Variants in RABGAP1L observed in about 807,000 individuals in gnomAD.
The protein encoded by RABGAP1L is RAB GTPase activating protein 1 like.
Under a neutral mutation model 137.7 loss-of-function variants are expected in RABGAP1L, and 63 were observed. That is an observed-to-expected ratio of 0.46 (90% confidence interval 0.37 to 0.56). The LOEUF (loss-of-function observed/expected upper bound fraction) is 0.56. Among genes scored for constraint, RABGAP1L ranks in the 20% least tolerant of loss-of-function variants. The probability of loss-of-function intolerance (pLI) is 0.00; values close to 1 mark genes in which losing one functional copy is unlikely to be tolerated. For synonymous variants in RABGAP1L, 431 were observed against 433.7 expected (o/e 0.99, Z 0.08); for missense variants, 1,095 against 1,244.0 (o/e 0.88, Z 1.80).
intron 15 of RABGAP1L, among the ~76,000 whole-genome samples, chr1:174,692,007 T>C (rs1219668799): frequency 6.6e-6 from 1 of 152,184 alleles, no homozygotes; most frequent in Non-Finnish European, 1.5e-5. Context: ...GCTTTTTATA[T>C]TTAGCATTTG....
At position 174,280,369 on chromosome 1, in the gene RABGAP1L, G is replaced by C. The variant is rs543219840; in HGVS notation, c.1323+1590G>C. Among the ~76,000 whole-genome samples, 88 of 152,306 alleles carry C rather than the reference G, an allele frequency of 5.8e-4. 1 individual carries two copies. The highest frequency in any genetic ancestry group is 1.7e-3 in the Admixed American group (26 of 15,306). On this transcript the variant is annotated intron_variant, in intron 10 of 25. Transcript: ENST00000681986. ...GCCATTACTACTTTAAAGAAATAAAGAGAGAATGCATTGATTTCAGTTCTA... is the reference window on the plus strand; with the variant it reads ...GCCATTACTACTTTAAAGAAATAAACAGAGAATGCATTGATTTCAGTTCTA...
chr1:174,874,796 G>A (rs1652819501), intron 19 of RABGAP1L, among the ~76,000 whole-genome samples: 1 of 151,964 alleles, frequency 6.6e-6, no homozygotes, highest in African/African-American at 2.4e-5. Context: ...TAGAGTGACA[G>A]TTTCTCTAAT....
intron 13 of RABGAP1L, among the ~76,000 whole-genome samples, chr1:174,613,699 TTTG>T: frequency 6.6e-6 from 1 of 152,192 alleles, no homozygotes; most frequent in Admixed American, 6.5e-5. Context: ...TCTAAGTCTC[TTTG>T]TAGGTTACTC....
At chr1:174,534,673 G>A (rs72715226) in intron 13 of RABGAP1L, among the ~76,000 whole-genome samples, 31,588 of 149,928 alleles carry the variant, frequency 0.21, 3,655 homozygotes, top group Admixed American at 0.25. Context: ...TACTCGGGAG[G>A]CTGAGGCAGG....
intron 13 of RABGAP1L, among the ~76,000 whole-genome samples, chr1:174,449,649 TATA>T (rs1655208265): frequency 2.0e-5 from 3 of 152,234 alleles, no homozygotes; most frequent in Admixed American, 6.5e-5. Context: ...TGTGGTAAAG[TATA>T]ATCTTTTGCA....
At chr1:174,834,136 T>TC (rs1692472249) in intron 19 of RABGAP1L, among the ~76,000 whole-genome samples, 1 of 152,054 alleles carries the variant, frequency 6.6e-6, no homozygotes, top group Non-Finnish European at 1.5e-5. Flanking sequence ...GATATAGAAG[T>TC]AAATTCTAGG....
chr1:174,497,050 G>C (rs565988331), intron 13 of RABGAP1L, among the ~76,000 whole-genome samples: 2 of 152,316 alleles, frequency 1.3e-5, no homozygotes, highest in East Asian at 3.9e-4. Flanking sequence ...CTACTGGGGA[G>C]TATCTCTCTA....
chr1:174,511,737 C>G (rs1005442533), intron 13 of RABGAP1L, among the ~76,000 whole-genome samples: 14 of 152,064 alleles, frequency 9.2e-5, no homozygotes, highest in African/African-American at 3.4e-4. Context: ...ATTCTCCTGC[C>G]TCAGCCTCCC....
chr1:174,865,696 G>A (rs1250253936), intron 19 of RABGAP1L, among the ~76,000 whole-genome samples: 1 of 152,154 alleles, frequency 6.6e-6, no homozygotes, highest in Non-Finnish European at 1.5e-5. Context: ...ACCCACTCGG[G>A]AGCTGCGGTG....
intron 4 of RABGAP1L, among the ~76,000 whole-genome samples, chr1:174,234,059 G>T (rs1670928012): frequency 7.4e-6 from 1 of 134,550 alleles, no homozygotes; most frequent in East Asian, 2.0e-4. Context: ...CTGCATAAAT[G>T]TCTTCTTTTG....
chr1:174,833,288 C>T (rs1196030226), intron 19 of RABGAP1L, among the ~76,000 whole-genome samples: 1 of 149,942 alleles, frequency 6.7e-6, no homozygotes, highest in African/African-American at 2.4e-5. Context: ...CAGCTTCAAC[C>T]TCCTAGGTTC....
intron 13 of RABGAP1L, among the ~76,000 whole-genome samples, chr1:174,525,844 G>A (rs1663827383): frequency 6.6e-6 from 1 of 152,044 alleles, no homozygotes; most frequent in African/African-American, 2.4e-5. Context: ...TATCATGAAG[G>A]GACATTGAAT....
intron 19 of RABGAP1L, among the ~76,000 whole-genome samples, chr1:174,861,967 G>A (rs1035481856): frequency 6.6e-6 from 1 of 152,034 alleles, no homozygotes; most frequent in Non-Finnish European, 1.5e-5. Flanking sequence ...GTAGTCCTAC[G>A]TGTTTATTTT....
intron 1 of RABGAP1L, among the ~76,000 whole-genome samples, chr1:174,182,922 T>C (rs1666495587): frequency 6.6e-6 from 1 of 152,224 alleles, no homozygotes; most frequent in African/African-American, 2.4e-5. Flanking sequence ...ATATTTATTA[T>C]AGAAAACCAG....
At chr1:174,615,414 C>G (rs752418139) in intron 13 of RABGAP1L, among the ~76,000 whole-genome samples, 18 of 152,184 alleles carry the variant, frequency 1.2e-4, no homozygotes, top group Admixed American at 1.2e-3. Flanking sequence ...ACAAATGCTG[C>G]TGTCTGATCG....
At chr1:174,252,997 A>C (rs184794279) in intron 7 of RABGAP1L, among the ~76,000 whole-genome samples, 2 of 152,222 alleles carry the variant, frequency 1.3e-5, no homozygotes, top group Non-Finnish European at 2.9e-5. Context: ...TTGTGTGTCA[A>C]TTCACAGGAA....
chr1:174,863,308 G>C, intron 19 of RABGAP1L, among the ~76,000 whole-genome samples: 1 of 148,384 alleles, frequency 6.7e-6, no homozygotes. Flanking sequence ...TAGTAACATT[G>C]CTGTATTTGT....
chr1:174,628,074 A>G (rs1420042788), intron 13 of RABGAP1L, among the ~76,000 whole-genome samples: 2 of 152,164 alleles, frequency 1.3e-5, no homozygotes, highest in East Asian at 3.8e-4. Flanking sequence ...TCTTCTGGAC[A>G]TATTTGTGTA....
intron 17 of RABGAP1L, among the ~76,000 whole-genome samples, chr1:174,707,046 C>CCGTA (rs899487322): frequency 1.3e-5 from 2 of 152,246 alleles, no homozygotes; most frequent in African/African-American, 2.4e-5. Flanking sequence ...AGTTAACGTA[C>CCGTA]CTATGCACTT....
Sources: allele counts gnomAD v4.1 joint callset (sites outside exome capture counted in the v4.1 genomes callset), GRCh38; gene constraint gnomAD v4.1.1; transcripts MANE v1.5; gene names NCBI Gene and HGNC (gene_info 2026-07-23, HGNC 2026-07-21).